The following SYNPO2 variants were observed in gnomAD, a reference collection of about 807,000 sequenced individuals.
SYNPO2 encodes synaptopodin-2.
In SYNPO2, 56 loss-of-function variants were observed where a neutral mutation model predicts 85.0. The observed-to-expected ratio is 0.66, with a 90% CI of 0.53 to 0.82. The LOEUF (loss-of-function observed/expected upper bound fraction) is 0.82, where lower values mean the gene tolerates loss of function less well. Among genes scored for constraint, SYNPO2 ranks in the 40% least tolerant of loss-of-function variants. The pLI is 0.00. For synonymous variants in SYNPO2, 602 were observed against 591.1 expected (o/e 1.02, Z -0.27); for missense variants, 1,575 against 1,534.2 (o/e 1.03, Z -0.44).
chr4:118,858,449 T>C (rs115046587), intron 1 of SYNPO2, among the ~76,000 whole-genome samples: 6,271 of 152,284 alleles, frequency 0.041, 198 homozygotes, highest in Non-Finnish European at 0.064. Context: ...GTTTTGTTCT[T>C]TTATTTTGGT....
In SYNPO2 at chr4:119,027,270, C is replaced by T. The variant is rs1738004094; in HGVS notation, c.901C>T (p.Leu301Phe). 6.2e-7 allele frequency: 1 copy of T among 1,613,984 alleles called. No homozygotes were observed. The highest frequency in any genetic ancestry group is 1.3e-5 in the African/African-American group (1 of 74,900). The change falls in exon 3 of 5, where the codon CTT becomes TTT. Residue 301 changes from leucine to phenylalanine, a missense_variant. Leu to Phe is a conservative substitution (Grantham distance 22, BLOSUM62 0). Transcript: ENST00000307142. ...SDRQKTEGCR[L>F]QAGKECVDSP... ...CAGGCAGAAGACAGAAGGGTGCAGG[C>T]TTCAGGCAGGAAAGGAGTGTGTGGA...
chr4:118,927,347 T>G (rs1228802514), intron 1 of SYNPO2, among the ~76,000 whole-genome samples: 1 of 152,160 alleles, frequency 6.6e-6, no homozygotes, highest in African/African-American at 2.4e-5. Flanking sequence ...TTTTTATTAT[T>G]GATAAGACAT....
intron 3 of SYNPO2, 46 bp downstream of exon 3, chr4:119,027,484 A>G (rs183871668): frequency 4.2e-5 from 61 of 1,466,594 alleles, no homozygotes; most frequent in Non-Finnish European, 5.4e-5. Flanking sequence ...AGTTGGGGGC[A>G]TTTTGCTGCT....
At chr4:118,880,189 C>T (rs571278948) in intron 1 of SYNPO2, among the ~76,000 whole-genome samples, 2 of 152,234 alleles carry the variant, frequency 1.3e-5, no homozygotes, top group African/African-American at 4.8e-5. Context: ...TCTGAAGGAC[C>T]AACAAAACAA....
At chr4:118,938,675 T>C (rs2149136410) in intron 1 of SYNPO2, among the ~76,000 whole-genome samples, 1 of 152,332 alleles carries the variant, frequency 6.6e-6, no homozygotes, top group East Asian at 1.9e-4. Context: ...AGGCTAGCCA[T>C]CCTAATACAT....
chr4:118,860,787 C>T (rs1259183318), intron 1 of SYNPO2, among the ~76,000 whole-genome samples: 1 of 152,092 alleles, frequency 6.6e-6, no homozygotes, highest in Admixed American at 6.5e-5. Flanking sequence ...GATCTCTTGA[C>T]CTCGTGACCC....
At chr4:119,036,532 C>T (rs72671672) in intron 4 of SYNPO2, 10,619 of 985,388 alleles carry the variant, frequency 0.011, 64 homozygotes, top group Non-Finnish European at 0.012. Context: ...ACAAAGCAGG[C>T]TAATAAATTC....
chr4:118,884,720 G>T (rs543076395), upstream of SYNPO2, among the ~76,000 whole-genome samples: 4 of 152,194 alleles, frequency 2.6e-5, no homozygotes, highest in African/African-American at 9.6e-5. Flanking sequence ...AGAACTCTTT[G>T]TCTCTCTTTT....
At chr4:118,936,501 A>C (rs1450527445) in intron 1 of SYNPO2, among the ~76,000 whole-genome samples, 1 of 152,170 alleles carries the variant, frequency 6.6e-6, no homozygotes, top group Non-Finnish European at 1.5e-5. Flanking sequence ...AATTCCATCA[A>C]AATGGCCGTG....
At chr4:118,973,790 C>A (rs1005805106) in intron 1 of SYNPO2, among the ~76,000 whole-genome samples, 1 of 152,134 alleles carries the variant, frequency 6.6e-6, no homozygotes, top group Non-Finnish European at 1.5e-5. Flanking sequence ...CTAAAAGAAG[C>A]CTAGTTTGGT....
Position 118,999,363 on chromosome 4 carries a change from G to A in SYNPO2, c.106-24067G>A, listed in dbSNP as rs562242202. On this transcript the variant is annotated intron_variant, in intron 1 of 4. Coordinates refer to ENST00000307142, the MANE Select transcript of SYNPO2 (RefSeq NM_133477.3). The stretch of plus-strand genomic sequence containing the variant: ...GACGGGGTTTCATCATGTTGTCCAG[G>A]CTGGTCTCAAGCTCCTGGGTTCAAA... Among the ~76,000 whole-genome samples the A allele has an allele frequency of 7.2e-5, 11 of 152,044 alleles. No individual in the cohort carries two copies. In the East Asian group the frequency reaches 2.1e-3, roughly 29 times the overall value.
intron 1 of SYNPO2, among the ~76,000 whole-genome samples, chr4:118,851,401 C>T (rs528908521): frequency 2.1e-3 from 318 of 152,156 alleles, no homozygotes; most frequent in Non-Finnish European, 3.8e-3. Context: ...GCAGGAGAAT[C>T]GCTTGAACCT....
At chr4:118,897,505 T>C (rs1732588277) in intron 1 of SYNPO2, among the ~76,000 whole-genome samples, 1 of 152,222 alleles carries the variant, frequency 6.6e-6, no homozygotes, top group Non-Finnish European at 1.5e-5. Context: ...TCCTAGGAAA[T>C]CTGTAATCAT....
Position 119,057,985 on chromosome 4 carries a change from T to C in SYNPO2, c.*51T>C. On this transcript the variant is annotated 3_prime_UTR_variant, in exon 5 of 5. Transcript: ENST00000307142. The stretch of plus-strand genomic sequence containing the variant: ...AACTGTAGTTTTTTAAAAAAAACGC[T>C]CCTTTGTAGGGTTTTAAACTTTTCT... 1 of 1,545,484 alleles carries C rather than the reference T, an allele frequency of 6.5e-7. No homozygotes were observed. Among genetic ancestry groups the C allele is most frequent in the Non-Finnish European group, 8.7e-7 (1 of 1,149,392 alleles).
intron 1 of SYNPO2, among the ~76,000 whole-genome samples, chr4:118,931,160 A>G (rs1733919833): frequency 6.6e-6 from 1 of 152,138 alleles, no homozygotes; most frequent in Non-Finnish European, 1.5e-5. Context: ...GGACTTTTCA[A>G]TGAAAAAAGA....
intron 1 of SYNPO2, among the ~76,000 whole-genome samples, chr4:118,999,731 T>A (rs1158284483): frequency 6.6e-6 from 1 of 152,194 alleles, no homozygotes; most frequent in African/African-American, 2.4e-5. Context: ...AGGGCTTCAT[T>A]GATCTGGGCT....
intron 1 of SYNPO2, among the ~76,000 whole-genome samples, chr4:118,987,406 C>T (rs1034067717): frequency 5.3e-5 from 8 of 152,142 alleles, no homozygotes; most frequent in African/African-American, 1.9e-4. Flanking sequence ...TGGTGGCTCA[C>T]GCCTCTAAAT....
At chr4:118,988,987 C>G (rs1736316995) in intron 1 of SYNPO2, among the ~76,000 whole-genome samples, 1 of 152,168 alleles carries the variant, frequency 6.6e-6, no homozygotes, top group Non-Finnish European at 1.5e-5. Flanking sequence ...AGTTCCCTTC[C>G]TCAGTTAAAA....
chr4:119,053,935 C>G (rs1311822472), intron 4 of SYNPO2, among the ~76,000 whole-genome samples: 7 of 152,082 alleles, frequency 4.6e-5, no homozygotes, highest in Non-Finnish European at 1.0e-4. Flanking sequence ...GTCTTAGCTC[C>G]CTTTATCTAT....
Sources: gnomAD v4.1 joint callset for allele counts (sites outside exome capture counted in the v4.1 genomes callset) on GRCh38, gnomAD v4.1.1 for gene constraint, MANE v1.5 for transcripts, NCBI Gene and HGNC (gene_info 2026-07-23, HGNC 2026-07-21) for gene names.